The following HFM1 variants were observed in gnomAD, a reference collection of about 807,000 sequenced individuals.
HFM1 encodes helicase for meiosis 1.
Under a neutral mutation model 192.1 loss-of-function variants are expected in HFM1, and 169 were observed. The ratio of observed to expected loss-of-function variants is 0.88; its 90% CI spans 0.78 to 1.00. HFM1 has a LOEUF of 1.00. HFM1 is among the 50% of genes least tolerant of loss of function. The probability of loss-of-function intolerance (pLI) is 0.00; values close to 1 mark genes in which losing one functional copy is unlikely to be tolerated. For synonymous variants in HFM1, 525 were observed against 537.8 expected (o/e 0.98, Z 0.33); for missense variants, 1,661 against 1,668.0 (o/e 1.00, Z 0.07).
At chr1:91,376,932 C>T (rs1301745700) in intron 11 of HFM1, among the ~76,000 whole-genome samples, 2 of 151,578 alleles carry the variant, frequency 1.3e-5, no homozygotes, top group African/African-American at 4.8e-5. Flanking sequence ...AGGAAATAAT[C>T]ATGGATGTTT....
intron 4 of HFM1, among the ~76,000 whole-genome samples, chr1:91,387,494 A>T (rs1342882369): frequency 6.6e-6 from 1 of 151,754 alleles, no homozygotes; most frequent in Non-Finnish European, 1.5e-5. Flanking sequence ...GCTCCACGGG[A>T]GGTTTCTGTC....
At chr1:91,318,070 A>C (rs74965785) in intron 25 of HFM1, among the ~76,000 whole-genome samples, 105,736 of 151,532 alleles carry the variant, frequency 0.7, 37,141 homozygotes, top group East Asian at 0.83. Flanking sequence ...GCCGAATTTC[A>C]AAATTTTCTA....
At chr1:91,388,801 G>T (rs76155229) in intron 4 of HFM1, among the ~76,000 whole-genome samples, 2 of 434 alleles carry the variant, frequency 4.6e-3, no homozygotes, top group South Asian at 0.1. Context: ...TAGATAAACT[G>T]GACTCTATCA....
At chr1:91,379,012 T>C (rs1373625947) in intron 9 of HFM1, 51 bp downstream of exon 9, 2 of 1,123,118 alleles carry the variant, frequency 1.8e-6, no homozygotes, top group Non-Finnish European at 2.5e-6. Flanking sequence ...TAAAGAAAAA[T>C]AGGTATTTTC....
upstream of HFM1, among the ~76,000 whole-genome samples, chr1:91,406,135 G>A (rs868154940): frequency 2.6e-5 from 4 of 152,230 alleles, no homozygotes; most frequent in African/African-American, 9.6e-5. Flanking sequence ...TTCCTACCAT[G>A]TGAGGATACA....
chr1:91,330,958 C>T (rs1053911391), intron 20 of HFM1, among the ~76,000 whole-genome samples: 1 of 152,104 alleles, frequency 6.6e-6, no homozygotes, highest in Admixed American at 6.5e-5. Flanking sequence ...ATGATAAATA[C>T]CCTCAAAAAG....
At position 91,313,512 on chromosome 1, in the gene HFM1, A is replaced by G; in HGVS notation, c.3245-17T>C. 6.5e-7 allele frequency: 1 copy of G among 1,538,970 alleles called. No individual in the cohort carries two copies. Among genetic ancestry groups the G allele is most frequent in the Non-Finnish European group, 8.8e-7 (1 of 1,139,108 alleles). The stretch of plus-strand genomic sequence containing the variant: ...CAAGCCCAACTGGAAAATGAAAAAA[A>G]AGTACACAAATGTTTATTTGTCATA... On this transcript the variant is annotated splice_polypyrimidine_tract_variant and intron_variant, in intron 29 of 38. Transcript: ENST00000370425.
At position 91,396,318 on chromosome 1, in the gene HFM1, T is replaced by C; in HGVS notation, c.159A>G (p.Glu53=). Residue 53 remains glutamate (E), a synonymous_variant, in exon 3 of 39, where the codon GAA becomes GAG. Coordinates refer to ENST00000370425, the MANE Select transcript of HFM1 (RefSeq NM_001017975.6). ...SEIPDTQELE[E]ELESHKLLGQ... ...CTAACAGTTTATGACTTTCTAATTC[T>C]TCCTCTAACTCCTGAGTATCTGGAA... 3.2e-6 allele frequency: 5 copies of C among 1,578,738 alleles called. No homozygotes were observed. The highest frequency in any genetic ancestry group is 4.3e-6 in the Non-Finnish European group (5 of 1,151,896).
chr1:91,377,700 A>G, intron 11 of HFM1: 1 of 287,830 alleles, frequency 3.5e-6, no homozygotes, highest in Non-Finnish European at 6.4e-6. Flanking sequence ...ATACTTTGCT[A>G]TACAATTAGA....
intron 1 of HFM1, 136 bp downstream of exon 1, chr1:91,404,662 C>T (rs1571264019): frequency 3.5e-6 from 1 of 282,952 alleles, no homozygotes. Context: ...ACTCGCCGCG[C>T]CCGTCCGCTG....
chr1:91,291,109 A>G (rs1483975383), intron 30 of HFM1, among the ~76,000 whole-genome samples: 1 of 152,230 alleles, frequency 6.6e-6, no homozygotes, highest in Non-Finnish European at 1.5e-5. Flanking sequence ...GAAAAGATCC[A>G]AAATTGACAC....
intron 30 of HFM1, among the ~76,000 whole-genome samples, chr1:91,304,646 T>C (rs1649345801): frequency 6.6e-6 from 1 of 151,452 alleles, no homozygotes; most frequent in South Asian, 2.1e-4. Flanking sequence ...TTTTTTTTTT[T>C]TTTTGTATTT....
intron 30 of HFM1, among the ~76,000 whole-genome samples, chr1:91,300,122 A>C (rs1648459094): frequency 6.6e-6 from 1 of 152,192 alleles, no homozygotes; most frequent in African/African-American, 2.4e-5. Context: ...ATCCCACAGA[A>C]ATACAAACTA....
At chr1:91,362,908 C>A (rs1356865543) in intron 13 of HFM1, among the ~76,000 whole-genome samples, 3 of 152,056 alleles carry the variant, frequency 2.0e-5, no homozygotes, top group African/African-American at 7.2e-5. Context: ...ACAAATGTGA[C>A]AAAAGCAAGC....
intron 4 of HFM1, among the ~76,000 whole-genome samples, chr1:91,392,821 T>C (rs919109666): frequency 4.6e-5 from 7 of 152,174 alleles, no homozygotes; most frequent in African/African-American, 1.4e-4. Context: ...CAAATAGCCA[T>C]ATTTTGTATA....
chr1:91,289,208 C>T (rs927677250), intron 30 of HFM1, among the ~76,000 whole-genome samples: 5 of 151,436 alleles, frequency 3.3e-5, no homozygotes, highest in African/African-American at 9.7e-5. Flanking sequence ...CAGAGACACT[C>T]CTCAGTTCCA....
intron 13 of HFM1, among the ~76,000 whole-genome samples, chr1:91,361,003 C>G (rs928162439): frequency 3.9e-4 from 59 of 152,148 alleles, no homozygotes; most frequent in African/African-American, 1.4e-3. Flanking sequence ...CTAATGAGAA[C>G]AAAGAGACAA....
At chr1:91,291,224 A>T (rs1039905170) in intron 30 of HFM1, among the ~76,000 whole-genome samples, 24 of 152,344 alleles carry the variant, frequency 1.6e-4, no homozygotes, top group Admixed American at 9.8e-4. Flanking sequence ...AAGGAAATAG[A>T]GACACAAAAC....
In HFM1 at chr1:91,378,136, T is replaced by C. The variant is rs1337211193; in HGVS notation, c.1284A>G (p.Val428=). The C allele has an allele frequency of 4.3e-6, 7 of 1,610,382 alleles. No individual in the cohort carries two copies. The highest frequency in any genetic ancestry group is 5.1e-6 in the Non-Finnish European group (6 of 1,178,598). Reference sequence around the variant, plus strand: ...ACTGTACAGTTTTCATTCTGCTAACTACAACTTCAAGAGTTGGACCACGAT... The same window carrying C: ...ACTGTACAGTTTTCATTCTGCTAACCACAACTTCAAGAGTTGGACCACGAT... The part of the protein sequence containing the change: ...DENRGPTLEV[V]VSRMKTVQSV... The change falls in exon 11 of 39, where the codon GTA becomes GTG. Residue 428 remains valine, a synonymous_variant. Coordinates refer to ENST00000370425, the MANE Select transcript of HFM1 (RefSeq NM_001017975.6).
Sources: allele counts gnomAD v4.1 joint callset (sites outside exome capture counted in the v4.1 genomes callset), GRCh38; gene constraint gnomAD v4.1.1; transcripts MANE v1.5; gene names NCBI Gene and HGNC (gene_info 2026-07-23, HGNC 2026-07-21).